TCTN2: variants seen among roughly 807,000 people sequenced by gnomAD.
TCTN2 encodes the protein tectonic-2.
In TCTN2, 66 loss-of-function variants were observed where a neutral mutation model predicts 83.4. The ratio of observed to expected loss-of-function variants is 0.79; its 90% CI spans 0.65 to 0.97. TCTN2 has a LOEUF of 0.97. TCTN2 is among the 50% of genes least tolerant of loss of function. The pLI, the probability that TCTN2 is intolerant of heterozygous loss-of-function variation, is 0.00. For synonymous variants in TCTN2, 301 were observed against 326.7 expected, an observed-to-expected ratio of 0.92 and a Z score of 0.85; for missense variants, 794 against 858.1, an observed-to-expected ratio of 0.93 and a Z score of 0.93.
intron 1 of TCTN2, 37 bp downstream of exon 1, chr12:123,671,359 G>A (rs1486252246): frequency 6.2e-7 from 1 of 1,608,652 alleles, no homozygotes. Context: ...GTGGGCCGGG[G>A]CTGAGGGGAC....
At chr12:123,680,225 G>A (rs1434855412) in intron 5 of TCTN2, among the ~76,000 whole-genome samples, 1 of 151,170 alleles carries the variant, frequency 6.6e-6, no homozygotes, top group Non-Finnish European at 1.5e-5. Flanking sequence ...GTTGGTGGGC[G>A]CCTGTAATCC....
rs748734711 is a variant in TCTN2, at chr12:123,673,656, C to T, written c.309C>T (p.Asp103=). ...CAGTGAGGTGGAAGAGAGGTCTGGA[C>T]TGGTGTTCCTCCAATGAGACAGATT... ...EVTVRWKRGL[D]WCSSNETDSF... The change falls in exon 4 of 18, where the codon GAC becomes GAT. Residue 103 remains aspartate, a synonymous_variant. Coordinates refer to ENST00000303372, the MANE Select transcript of TCTN2 (RefSeq NM_024809.5). 3 of 1,614,104 alleles carry T rather than the reference C, an allele frequency of 1.9e-6. No homozygotes were observed. Among genetic ancestry groups the T allele is most frequent in the Admixed American group, 1.7e-5 (1 of 59,992 alleles).
chr12:123,676,666 G>A (rs753033774), intron 4 of TCTN2, among the ~76,000 whole-genome samples: 10 of 146,900 alleles, frequency 6.8e-5, no homozygotes, highest in Non-Finnish European at 1.2e-4. Flanking sequence ...GAACATCTTT[G>A]TATATGAGTG....
At chr12:123,696,688 A>G (rs1174002216) in intron 12 of TCTN2, 193 bp downstream of exon 12, 1 of 634,116 alleles carries the variant, frequency 1.6e-6, no homozygotes, top group South Asian at 1.8e-5. Context: ...GAATGCTAAC[A>G]TTGTTTGCAC....
chr12:123,697,506 G>GT (rs1442413366), intron 13 of TCTN2, among the ~76,000 whole-genome samples: 2 of 151,916 alleles, frequency 1.3e-5, no homozygotes, highest in Admixed American at 6.6e-5. Flanking sequence ...TTGTTGTGTG[G>GT]TTTTTTTTGT....
At chr12:123,693,927 C>T (rs1195725673) in intron 9 of TCTN2, among the ~76,000 whole-genome samples, 3 of 151,804 alleles carry the variant, frequency 2.0e-5, no homozygotes, top group African/African-American at 7.3e-5. Context: ...AAGCAATTCT[C>T]ATGCCTTAGC....
At position 123,676,295 on chromosome 12, in the gene TCTN2, G is replaced by A. The variant is rs1593834195; in HGVS notation, c.463+2485G>A. ...CCTTGTCTCTAAAAAAAGACCGGGC[G>A]CGGTGGCTCACGCCTGTAATCCCAG... is the stretch of plus-strand genomic sequence containing the variant. On this transcript the variant is annotated intron_variant, in intron 4 of 17. Transcript: ENST00000303372. Among the ~76,000 whole-genome samples the A allele has an allele frequency of 2.0e-5, 3 of 151,876 alleles. 1 individual carries two copies. The highest frequency in any genetic ancestry group is 7.2e-5 in the African/African-American group (3 of 41,426).
intron 14 of TCTN2, among the ~76,000 whole-genome samples, chr12:123,704,152 G>A (rs1399673125): frequency 6.6e-6 from 1 of 151,668 alleles, no homozygotes; most frequent in Admixed American, 6.6e-5. Flanking sequence ...GACTACAGGC[G>A]AGCACCACCA....
At chr12:123,696,976 A>G in intron 12 of TCTN2, 111 bp from the exon 13 acceptor site, 1 of 883,740 alleles carries the variant, frequency 1.1e-6, no homozygotes, top group Admixed American at 1.9e-5. Context: ...GTTTTTGAAA[A>G]CTGGCAACTT....
rs10773024 is a variant in TCTN2 at position 123,704,260 on chromosome 12, C to G, written c.1613-272C>G. Among the ~76,000 whole-genome samples the G allele has an allele frequency of 0.06, 9,096 of 152,232 alleles. 357 individuals are homozygous for G. The highest frequency in any genetic ancestry group is 0.12 in the South Asian group (565 of 4,824). On this transcript the variant is annotated intron_variant, in intron 14 of 17. Coordinates refer to ENST00000303372, the MANE Select transcript of TCTN2 (RefSeq NM_024809.5). ...GACCTCGTGATCTGCCCGCCTCAGC[C>G]TCCCAAAGTGCTGGGATTACGGCGT...
chr12:123,697,016 C>G, intron 12 of TCTN2, 71 bp from the exon 13 acceptor site: 1 of 1,240,490 alleles, frequency 8.1e-7, no homozygotes, highest in Non-Finnish European at 1.2e-6. Context: ...CTGTTTTTCA[C>G]GGAAAACTGA....
chr12:123,678,686 GTTTTC>G (rs1203847995), intron 4 of TCTN2, among the ~76,000 whole-genome samples: 1 of 151,982 alleles, frequency 6.6e-6, no homozygotes. Context: ...TAACTGGCGT[GTTTTC>G]TTATGTTTGG....
rs1478399684 is a variant in TCTN2, at chr12:123,700,110, C to T, written c.1612+300C>T. The T allele has an allele frequency of 4.1e-5, 19 of 466,176 alleles. 1 individual carries two copies. The highest frequency in any genetic ancestry group is 7.1e-5 in the Non-Finnish European group (18 of 253,220). 28.9% of individuals were successfully genotyped at this position (466,176 alleles called of 1,614,324 possible). ...CATTGCCTCCTCATCCTCCCAGGCT[C>T]AAGGGATCCTCCCGCCTCAGCCTTC... On this transcript the variant is annotated intron_variant, in intron 14 of 17. Transcript: ENST00000303372.
At position 123,697,431 on chromosome 12, in the gene TCTN2, T is replaced by C. The variant is rs559391851; in HGVS notation, c.1505+233T>C. On this transcript the variant is annotated intron_variant, in intron 13 of 17. Coordinates refer to ENST00000303372, the MANE Select transcript of TCTN2 (RefSeq NM_024809.5). ...CCAGTTCATCCACATTTAAGCAAAT[T>C]TCATCCACATTTAAACAAATGTCTC... Among the ~76,000 whole-genome samples the C allele has an allele frequency of 8.5e-5, 13 of 152,324 alleles. No individual in the cohort carries two copies. In the South Asian group the frequency reaches 2.5e-3, roughly 29 times the overall value.
chr12:123,680,365 A>G (rs1003056456), intron 5 of TCTN2, among the ~76,000 whole-genome samples: 1 of 151,454 alleles, frequency 6.6e-6, no homozygotes, highest in East Asian at 2.0e-4. Context: ...AAAAAAAAAA[A>G]AAATCACACA....
At chr12:123,676,805 A>G (rs1955828626) in intron 4 of TCTN2, among the ~76,000 whole-genome samples, 1 of 152,128 alleles carries the variant, frequency 6.6e-6, no homozygotes. Context: ...CAATGAAGCC[A>G]GCGAACAATG....
At chr12:123,674,419 C>T (rs76066949) in intron 4 of TCTN2, among the ~76,000 whole-genome samples, 2 of 152,084 alleles carry the variant, frequency 1.3e-5, no homozygotes, top group African/African-American at 2.4e-5. Flanking sequence ...TACAGGCTCA[C>T]GCTACCACGC....
intron 9 of TCTN2, among the ~76,000 whole-genome samples, chr12:123,692,977 T>G (rs118152955): frequency 1.3e-5 from 2 of 151,906 alleles, no homozygotes; most frequent in East Asian, 3.9e-4. Context: ...TAGTTCCAGC[T>G]TCCGTGAACC....
At position 123,707,946 on chromosome 12, in the gene TCTN2, G is replaced by C; in HGVS notation, c.*233G>C. On this transcript the variant is annotated 3_prime_UTR_variant, in exon 18 of 18. Transcript: ENST00000303372. The stretch of plus-strand genomic sequence containing the variant: ...GCTGCTCTCGAACTCCTGACCTCAT[G>C]ATCCGCCCATCTTGGCCTCCCAAAG... 1.2e-5 allele frequency: 6 copies of C among 484,288 alleles called. No individual in the cohort carries two copies. The highest frequency in any genetic ancestry group is 2.3e-5 in the Non-Finnish European group (6 of 264,318). The allele number at this position is 484,288 out of a possible 1,614,324, so 30.0% of individuals were successfully genotyped here. A position where few individuals can be genotyped will look rare whatever the true frequency, so the allele number is the denominator to read the frequency against.
Sources: gnomAD v4.1 joint callset for allele counts (sites outside exome capture counted in the v4.1 genomes callset) on GRCh38, gnomAD v4.1.1 for gene constraint, MANE v1.5 for transcripts, NCBI Gene and HGNC (gene_info 2026-07-23, HGNC 2026-07-21) for gene names.